The following ZFC3H1 variants were observed in gnomAD, a reference collection of about 807,000 sequenced individuals.
The protein encoded by ZFC3H1 is zinc finger C3H1 domain-containing protein.
A neutral mutation model predicts 243.7 loss-of-function variants in ZFC3H1; 71 were observed. That is an observed-to-expected ratio of 0.29 (90% CI 0.24 to 0.36). The LOEUF (loss-of-function observed/expected upper bound fraction) is 0.36. ZFC3H1 is among the 10% of genes least tolerant of loss of function. The pLI is 1.00. For synonymous variants in ZFC3H1, 838 were observed against 813.0 expected (o/e 1.03, Z -0.52); for missense variants, 1,966 against 2,317.1 (o/e 0.85, Z 3.11).
intron 10 of ZFC3H1, 138 bp downstream of exon 10, chr12:71,635,305 A>G (rs545437841): frequency 1.8e-6 from 2 of 1,131,212 alleles, no homozygotes; most frequent in Admixed American, 3.4e-5. Context: ...AAGTCCTAAT[A>G]GCACAAATAC....
In ZFC3H1 at chr12:71,663,066, G is replaced by A. The variant is rs1265347716; in HGVS notation, c.545C>T (p.Ser182Phe). ...CRPPLGGGAG[S>F]GFSSSQSWRE... The stretch of plus-strand genomic sequence containing the variant: ...CCAGCTCTGACTGCTGCTGAACCCG[G>A]ATCCTGCTCCTCCTCCCAGAGGAGG... The change falls in exon 1 of 35, where the codon TCC becomes TTC. Residue 182 changes from serine (S) to phenylalanine (F), a missense_variant. Physicochemically the swap from Ser to Phe is radical, Grantham distance 155. Transcript: ENST00000378743. 2 of 1,613,620 alleles carry A rather than the reference G, an allele frequency of 1.2e-6. No individual in the cohort carries two copies. Among genetic ancestry groups the A allele is most frequent in the South Asian group, 1.1e-5 (1 of 91,060 alleles).
At chr12:71,648,142 T>C (rs11832925) in intron 2 of ZFC3H1, among the ~76,000 whole-genome samples, 4,777 of 152,298 alleles carry the variant, frequency 0.031, 212 homozygotes, top group African/African-American at 0.11. Flanking sequence ...AACACTTAAT[T>C]ACCAAGTGGA....
In ZFC3H1 at chr12:71,634,893, T is replaced by C. The variant is rs1880421998; in HGVS notation, c.2239-68A>G. On this transcript the variant is annotated intron_variant, in intron 10 of 34. Coordinates refer to ENST00000378743, the MANE Select transcript of ZFC3H1 (RefSeq NM_144982.5). Reference sequence around the variant, plus strand: ...TTCCAAAATTCCATACTAAGATTTATATTTTACATTGCAACCCAGTGTATA... The same window carrying C: ...TTCCAAAATTCCATACTAAGATTTACATTTTACATTGCAACCCAGTGTATA... 11 of 1,516,446 alleles carry C rather than the reference T, an allele frequency of 7.3e-6. No individual in the cohort carries two copies. The Admixed American group carries it at 2.2e-4, about 31-fold the overall frequency. The allele number at this position is 1,516,446 out of a possible 1,614,324, so 93.9% of individuals were successfully genotyped here. A position where few individuals can be genotyped will look rare whatever the true frequency, so the allele number is the denominator to read the frequency against.
rs746425155 is a variant in ZFC3H1 at position 71,629,569 on chromosome 12, AC to A, written c.3826+39del. ...AAAGAGATACAGTACACACACACAC[AC>A]ACACACACACACACACACACACTTA... On this transcript the variant is annotated intron_variant, in intron 19 of 34. Transcript: ENST00000378743. The A allele has an allele frequency of 4.3e-6, 5 of 1,172,220 alleles. No individual in the cohort carries two copies. The Admixed American group carries it at 8.6e-5, about 20-fold the overall frequency. 72.6% of individuals were successfully genotyped at this position (1,172,220 alleles called of 1,614,324 possible).
At chr12:71,659,196 G>A (rs1388545858) in intron 1 of ZFC3H1, among the ~76,000 whole-genome samples, 1 of 149,814 alleles carries the variant, frequency 6.7e-6, no homozygotes, top group Non-Finnish European at 1.5e-5. Context: ...GTTTACCCTG[G>A]TGATAAGATA....
At chr12:71,661,003 T>A (rs1416036994) in intron 1 of ZFC3H1, among the ~76,000 whole-genome samples, 1 of 151,718 alleles carries the variant, frequency 6.6e-6, no homozygotes, top group East Asian at 1.9e-4. Context: ...ATTAAAAAAA[T>A]TTAAAAACCA....
chr12:71,611,959 C>A, intron 31 of ZFC3H1, 72 bp from the exon 32 acceptor site: 1 of 846,802 alleles, frequency 1.2e-6, no homozygotes, highest in Non-Finnish European at 1.9e-6. Context: ...TCTATGAGCA[C>A]AATGACGAAG....
At chr12:71,641,517 T>G (rs1407199043) in intron 6 of ZFC3H1, among the ~76,000 whole-genome samples, 1 of 152,176 alleles carries the variant, frequency 6.6e-6, no homozygotes, top group Non-Finnish European at 1.5e-5. Context: ...TCTTAAGTGT[T>G]TTAAATTATT....
chr12:71,628,067 C>T (rs1224365685), intron 20 of ZFC3H1, 133 bp from the exon 21 acceptor site: 18 of 878,642 alleles, frequency 2.0e-5, no homozygotes, highest in Middle Eastern at 3.4e-4. Context: ...TAGCTCACAG[C>T]TTTAAGGTAG....
At chr12:71,651,711 G>T (rs555012719) in intron 2 of ZFC3H1, among the ~76,000 whole-genome samples, 1 of 152,318 alleles carries the variant, frequency 6.6e-6, no homozygotes, top group Admixed American at 6.5e-5. Flanking sequence ...TTGAAAAGAG[G>T]AAGAATACTT....
chr12:71,614,843 A>G lies in ZFC3H1; in HGVS notation c.5351T>C (p.Ile1784Thr). The G allele has an allele frequency of 6.2e-7, 1 of 1,612,926 alleles. No individual in the cohort carries two copies. Among genetic ancestry groups the G allele is most frequent in the Non-Finnish European group, 8.5e-7 (1 of 1,179,188 alleles). ...GAAAACCTAAACTTACTCCATCCAT[A>G]TCTTCTGTACTATATCACATCTCAT... ...VAMRCDIVQK[I>T]WMDYLVFANN... Residue 1784 changes from isoleucine (I) to threonine (T), a missense_variant, in exon 29 of 35, where the codon ATA becomes ACA. Around this residue, in one of 4 missense-constraint regions of ZFC3H1, gnomAD observed 1,383 missense variants for 1,723.7 expected, o/e 0.80. Transcript: ENST00000378743.
intron 18 of ZFC3H1, 53 bp from the exon 19 acceptor site, chr12:71,629,763 G>C: frequency 8.6e-7 from 1 of 1,158,748 alleles, no homozygotes. Flanking sequence ...CAGAGACTAG[G>C]ATAATTAAAA....
At chr12:71,628,792 A>T (rs1439950301) in intron 20 of ZFC3H1, 126 bp downstream of exon 20, 8 of 928,520 alleles carry the variant, frequency 8.6e-6, no homozygotes, top group Non-Finnish European at 1.2e-5. Flanking sequence ...ACCCAATGGC[A>T]TCGTTTTTAA....
Position 71,663,516 on chromosome 12 carries a change from T to C in ZFC3H1, c.95A>G (p.Asn32Ser), listed in dbSNP as rs770332587. 6.2e-7 allele frequency: 1 copy of C among 1,613,640 alleles called. No homozygotes were observed. The highest frequency in any genetic ancestry group is 8.5e-7 in the Non-Finnish European group (1 of 1,180,036). ...LEDGEISDDD[N>S]NSQIRSRSSS... ...GCTCCGACTCCGTATCTGGCTGTTA[T>C]TATCGTCGTCACTGATTTCCCCATC... Residue 32 changes from asparagine (N) to serine (S), a missense_variant, in exon 1 of 35, where the codon AAT becomes AGT. Physicochemically the swap from Asn to Ser is conservative, Grantham distance 46 (BLOSUM62 1). Around this residue, in one of 4 missense-constraint regions of ZFC3H1, gnomAD observed 484 missense variants for 449.7 expected, o/e 1.08. Transcript: ENST00000378743.
intron 26 of ZFC3H1, 137 bp downstream of exon 26, chr12:71,619,785 CTAAG>C: frequency 1.4e-6 from 1 of 722,672 alleles, no homozygotes; most frequent in East Asian, 2.7e-5. Flanking sequence ...AAGCACTGTA[CTAAG>C]TGCTATGGCA....
intron 22 of ZFC3H1, 30 bp from the exon 23 acceptor site, chr12:71,624,322 T>C (rs777978686): frequency 6.5e-7 from 1 of 1,547,990 alleles, no homozygotes; most frequent in Non-Finnish European, 8.7e-7. Context: ...ATTATTAATG[T>C]TGCCTTTCAG....
chr12:71,635,206 T>C (rs1432792151), intron 10 of ZFC3H1, among the ~76,000 whole-genome samples: 2 of 152,150 alleles, frequency 1.3e-5, no homozygotes, highest in African/African-American at 4.8e-5. Flanking sequence ...TTTTACTATT[T>C]TGAAAAAGGA....
Position 71,633,433 on chromosome 12 carries a change from A to G in ZFC3H1, c.2516T>C (p.Leu839Pro). The change falls in exon 13 of 35, where the codon CTC becomes CCC. Residue 839 changes from leucine to proline, a missense_variant. Coordinates refer to ENST00000378743, the MANE Select transcript of ZFC3H1 (RefSeq NM_144982.5). Reference protein sequence around the residue: ...AESKLKKHRILLMKDESVLKN... With the variant: ...AESKLKKHRIPLMKDESVLKN... ...TAAAACAGATTCATCTTTCATCAAG[A>G]GAATCCTAAATGAGAAATAACAAAA... 6.4e-7 allele frequency: 1 copy of G among 1,559,400 alleles called. No homozygotes were observed. Among genetic ancestry groups the G allele is most frequent in the Non-Finnish European group, 8.7e-7 (1 of 1,155,574 alleles).
At chr12:71,662,676 A>C (rs564177025) in intron 1 of ZFC3H1, among the ~76,000 whole-genome samples, 5 of 152,346 alleles carry the variant, frequency 3.3e-5, no homozygotes, top group South Asian at 2.1e-4. Context: ...AATCCAAGTC[A>C]ACTTCATATA....
Sources: allele counts gnomAD v4.1 joint callset (sites outside exome capture counted in the v4.1 genomes callset), GRCh38; gene constraint gnomAD v4.1.1; regional missense constraint gnomAD v4.1.1; transcripts MANE v1.5; gene names NCBI Gene and HGNC (gene_info 2026-07-23, HGNC 2026-07-21).